Variants in RGS22 observed in about 807,000 individuals in gnomAD.
The protein encoded by RGS22 is regulator of G-protein signaling 22.
A neutral mutation model predicts 172.9 loss-of-function variants in RGS22; 148 were observed. The ratio of observed to expected loss-of-function variants is 0.86; its 90% CI spans 0.75 to 0.98. The LOEUF is 0.98. RGS22 is among the 50% of genes least tolerant of loss of function. RGS22 has a pLI of 0.00. For missense variants in RGS22, 1,347 were observed against 1,440.8 expected (o/e 0.93, Z 1.05); for synonymous variants, 458 against 480.2 (o/e 0.95, Z 0.60).
chr8:99,979,228 AT>A (rs1435830409), intron 22 of RGS22, among the ~76,000 whole-genome samples: 1 of 152,138 alleles, frequency 6.6e-6, no homozygotes, highest in African/African-American at 2.4e-5. Flanking sequence ...CTCCTCCTCT[AT>A]TAATCATACT....
At chr8:100,016,479 A>C (rs1816967547) in intron 14 of RGS22, among the ~76,000 whole-genome samples, 1 of 152,052 alleles carries the variant, frequency 6.6e-6, no homozygotes, top group Non-Finnish European at 1.5e-5. Context: ...ATAATCCTTA[A>C]GAATAATACA....
intron 4 of RGS22, among the ~76,000 whole-genome samples, chr8:100,074,869 G>A (rs929581808): frequency 6.6e-6 from 1 of 151,940 alleles, no homozygotes; most frequent in Non-Finnish European, 1.5e-5. Context: ...CCAGGTTCAC[G>A]CCATTCTCCT....
chr8:100,024,786 G>A (rs972695032), intron 14 of RGS22, among the ~76,000 whole-genome samples: 1 of 152,252 alleles, frequency 6.6e-6, no homozygotes, highest in East Asian at 1.9e-4. Flanking sequence ...CGTTAGGAAA[G>A]CATTCAACTT....
intron 14 of RGS22, among the ~76,000 whole-genome samples, chr8:100,020,809 A>C (rs552270701): frequency 6.6e-6 from 1 of 152,336 alleles, no homozygotes; most frequent in East Asian, 1.9e-4. Flanking sequence ...GACTACTCAA[A>C]ACTCATTACT....
chr8:100,085,103 A>G (rs1812067763), intron 3 of RGS22, among the ~76,000 whole-genome samples: 2 of 152,162 alleles, frequency 1.3e-5, no homozygotes, highest in Non-Finnish European at 2.9e-5. Context: ...ATATCAGTAA[A>G]AAGAAGTTGT....
chr8:100,016,267 A>G (rs1405695349), intron 14 of RGS22, among the ~76,000 whole-genome samples: 1 of 152,204 alleles, frequency 6.6e-6, no homozygotes, highest in Non-Finnish European at 1.5e-5. Flanking sequence ...TTGACGCTTC[A>G]TAGACTTCCC....
chr8:100,024,273 C>T (rs1817936935), intron 14 of RGS22, among the ~76,000 whole-genome samples: 1 of 152,160 alleles, frequency 6.6e-6, no homozygotes, highest in Non-Finnish European at 1.5e-5. Flanking sequence ...CAAGAGCAAA[C>T]TGGAAAGACA....
chr8:100,049,910 G>A (rs10099237), intron 10 of RGS22, among the ~76,000 whole-genome samples: 2 of 151,914 alleles, frequency 1.3e-5, no homozygotes, highest in Non-Finnish European at 2.9e-5. Flanking sequence ...TTAGCCAGGC[G>A]TGGTGGTGGG....
At position 99,986,790 on chromosome 8, in the gene RGS22, T is replaced by A. The variant is rs540558459; in HGVS notation, c.3180+668A>T. On this transcript the variant is annotated intron_variant, in intron 21 of 27. Transcript: ENST00000360863. ...TGGTTTATTTATCCATAATCCAGTA[T>A]CTTTGATTACTATTACTATAAATAT... 2.0e-5 allele frequency among the ~76,000 whole-genome samples: 3 copies of A among 152,338 alleles called. No homozygotes were observed. In the South Asian group the frequency reaches 6.2e-4, roughly 32 times the overall value.
chr8:99,986,571 T>C (rs1051756720), intron 21 of RGS22, among the ~76,000 whole-genome samples: 1 of 152,244 alleles, frequency 6.6e-6, no homozygotes, highest in Non-Finnish European at 1.5e-5. Flanking sequence ...CATTTCTTTA[T>C]TCAAGTCTAG....
chr8:99,978,544 A>C (rs941104224), intron 22 of RGS22, among the ~76,000 whole-genome samples: 3 of 152,150 alleles, frequency 2.0e-5, no homozygotes, highest in African/African-American at 7.2e-5. Context: ...AAAGCTCTTA[A>C]ACAAAGCTGC....
chr8:100,063,070 G>T (rs1206905891), intron 8 of RGS22, among the ~76,000 whole-genome samples: 1 of 152,018 alleles, frequency 6.6e-6, no homozygotes, highest in Non-Finnish European at 1.5e-5. Context: ...TGCTAGTGTG[G>T]TTATATAACT....
At chr8:100,015,572 T>C (rs1816859937) in intron 14 of RGS22, among the ~76,000 whole-genome samples, 1 of 152,266 alleles carries the variant, frequency 6.6e-6, no homozygotes, top group East Asian at 1.9e-4. Flanking sequence ...GGATTACAAG[T>C]GTGAGCCACC....
intron 20 of RGS22, among the ~76,000 whole-genome samples, chr8:99,994,847 G>A (rs549641961): frequency 1.3e-5 from 2 of 152,100 alleles, no homozygotes; most frequent in African/African-American, 4.8e-5. Context: ...GAGGCATCAC[G>A]CTACCTGACT....
At position 100,052,922 on chromosome 8, in the gene RGS22, T is replaced by C; in HGVS notation, c.1569A>G (p.Glu523=). 1 of 1,614,104 alleles carries C rather than the reference T, an allele frequency of 6.2e-7. No individual in the cohort carries two copies. Among genetic ancestry groups the C allele is most frequent in the African/African-American group, 1.3e-5 (1 of 75,030 alleles). Residue 523 remains glutamate (E), a synonymous_variant, in exon 10 of 28, where the codon GAA becomes GAG. Coordinates refer to ENST00000360863, the MANE Select transcript of RGS22 (RefSeq NM_015668.5). ...HSASTKYASA[E]LKFWHLRQAK... ...CTTGACGGAGGTGCCAGAATTTCAG[T>C]TCAGCACTAGCATATTTTGTTGAGG...
At chr8:100,025,184 C>G (rs1035008796) in intron 14 of RGS22, among the ~76,000 whole-genome samples, 11 of 152,150 alleles carry the variant, frequency 7.2e-5, no homozygotes, top group African/African-American at 2.7e-4. Flanking sequence ...GCTTGTTCTT[C>G]CTGAACCCAC....
Position 100,044,621 on chromosome 8 carries a change from CCTTT to C in RGS22, c.1824-2709_1824-2706del, listed in dbSNP as rs1279168124. 1.1e-4 allele frequency among the ~76,000 whole-genome samples: 17 copies of C among 148,234 alleles called. No individual in the cohort carries two copies. The East Asian group carries it at 1.6e-3, about 14-fold the overall frequency. On this transcript the variant is annotated intron_variant, in intron 11 of 27. Coordinates refer to ENST00000360863, the MANE Select transcript of RGS22 (RefSeq NM_015668.5). The stretch of plus-strand genomic sequence containing the variant: ...GTACATCTCCCATCTCTCAGATTAC[CCTTT>C]CTTTTTTTTTTTTTTTTCGGATTAT...
intron 2 of RGS22, among the ~76,000 whole-genome samples, chr8:100,103,274 A>G (rs1813644742): frequency 6.6e-6 from 1 of 152,224 alleles, no homozygotes; most frequent in South Asian, 2.1e-4. Context: ...TATTGGAGGC[A>G]ATGGTATCAG....
In RGS22 at chr8:99,987,482, A is replaced by G; in HGVS notation, c.3156T>C (p.Phe1052=). 3.1e-6 allele frequency: 5 copies of G among 1,609,746 alleles called. No individual in the cohort carries two copies. Among genetic ancestry groups the G allele is most frequent in the Non-Finnish European group, 4.2e-6 (5 of 1,177,658 alleles). ...CCTTATATTTTTGTACTTCTTGCCA[A>G]AAGAGTAAACCATTTTCCAATAAAT... ...KGDLLENGLL[F]WQEVQKYKDL... The change falls in exon 21 of 28, where the codon TTT becomes TTC. Residue 1052 remains phenylalanine (F), a synonymous_variant. Coordinates refer to ENST00000360863, the MANE Select transcript of RGS22 (RefSeq NM_015668.5).
Sources: gnomAD v4.1 joint callset for allele counts (sites outside exome capture counted in the v4.1 genomes callset) on GRCh38, gnomAD v4.1.1 for gene constraint, MANE v1.5 for transcripts, NCBI Gene and HGNC (gene_info 2026-07-23, HGNC 2026-07-21) for gene names.